The following ABCB5 variants were observed in gnomAD, a reference collection of about 807,000 sequenced individuals.
The protein encoded by ABCB5 is ATP-binding cassette sub-family B member 5.
A neutral mutation model predicts 144.2 loss-of-function variants in ABCB5; 155 were observed. That is an observed-to-expected ratio of 1.08 (90% confidence interval 0.94 to 1.23). The LOEUF (loss-of-function observed/expected upper bound fraction) is 1.23. ABCB5 is among the 50% of genes most tolerant of loss of function. ABCB5 has a pLI of 0.00. For synonymous variants in ABCB5, 610 were observed against 528.6 expected (o/e 1.15, Z -2.11); for missense variants, 1,830 against 1,520.8 (o/e 1.20, Z -3.38).
chr7:20,702,670 T>A (rs1786668907), intron 19 of ABCB5, among the ~76,000 whole-genome samples: 1 of 148,234 alleles, frequency 6.7e-6, no homozygotes, highest in South Asian at 2.2e-4. Context: ...TTTTTTTTTT[T>A]TTTTTTCCTG....
At chr7:20,727,980 A>T (rs1392508629) in intron 22 of ABCB5, among the ~76,000 whole-genome samples, 1 of 152,162 alleles carries the variant, frequency 6.6e-6, no homozygotes, top group Admixed American at 6.5e-5. Flanking sequence ...AGACTTAGAA[A>T]ATCCTTCTAA....
At chr7:20,629,952 A>G (rs1295137763) in intron 4 of ABCB5, among the ~76,000 whole-genome samples, 1 of 152,136 alleles carries the variant, frequency 6.6e-6, no homozygotes, top group South Asian at 2.1e-4. Context: ...GATACCCTGA[A>G]TTGGTGGTGA....
rs751297362 is a variant in ABCB5 at position 20,711,045 on chromosome 7, G to A, written c.2421+6238G>A. ...AGCAATATGGATGTCAACTTACAGC[G>A]TAAGAAACTTAAAATAGTGCAGTAC... is the stretch of plus-strand genomic sequence containing the variant. On this transcript the variant is annotated intron_variant, in intron 20 of 27. Coordinates refer to ENST00000404938, the MANE Select transcript of ABCB5 (RefSeq NM_001163941.2). Among the ~76,000 whole-genome samples the A allele has an allele frequency of 7.3e-5, 11 of 149,772 alleles. 1 individual carries two copies. The highest frequency in any genetic ancestry group is 4.3e-4 in the South Asian group (2 of 4,650).
At chr7:20,678,602 G>A (rs1785686158) in intron 14 of ABCB5, among the ~76,000 whole-genome samples, 1 of 151,586 alleles carries the variant, frequency 6.6e-6, no homozygotes, top group Admixed American at 6.6e-5. Flanking sequence ...TATTGTGCTA[G>A]GCATTTACAA....
intron 16 of ABCB5, among the ~76,000 whole-genome samples, chr7:20,692,633 T>C (rs1291574022): frequency 6.6e-6 from 1 of 151,928 alleles, no homozygotes; most frequent in Non-Finnish European, 1.5e-5. Flanking sequence ...TTTAAAAGCA[T>C]ACTTATTTTT....
At chr7:20,727,004 AT>A (rs1782057735) in intron 21 of ABCB5, 35 bp from the exon 22 acceptor site, 1 of 1,469,178 alleles carries the variant, frequency 6.8e-7, no homozygotes, top group East Asian at 2.3e-5. Context: ...ACCATTACTA[AT>A]TTTATTTCTA....
At chr7:20,631,406 C>T (rs1736426962) in intron 4 of ABCB5, among the ~76,000 whole-genome samples, 2 of 152,010 alleles carry the variant, frequency 1.3e-5, no homozygotes, top group Admixed American at 1.3e-4. Context: ...GTCATGATGT[C>T]TGCAGTTATT....
chr7:20,700,834 C>A (rs1393923340), intron 19 of ABCB5, among the ~76,000 whole-genome samples: 2 of 152,214 alleles, frequency 1.3e-5, no homozygotes, highest in Non-Finnish European at 2.9e-5. Context: ...ACCTCACTTT[C>A]TGTCACAAAA....
chr7:20,735,102 T>A (rs541446569), intron 23 of ABCB5, among the ~76,000 whole-genome samples: 1 of 152,170 alleles, frequency 6.6e-6, no homozygotes, highest in Non-Finnish European at 1.5e-5. Context: ...CTATCCATAT[T>A]ATCAAGAAGC....
intron 14 of ABCB5, among the ~76,000 whole-genome samples, chr7:20,664,085 A>G (rs1785093777): frequency 6.6e-6 from 1 of 152,108 alleles, no homozygotes; most frequent in Admixed American, 6.6e-5. Flanking sequence ...TGAGTACAAA[A>G]GAACAGTGAA....
chr7:20,645,688 G>C lies in ABCB5; in HGVS notation c.679-68G>C, dbSNP rs1583389497. 6 of 1,551,008 alleles carry C rather than the reference G, an allele frequency of 3.9e-6. No homozygotes were observed. In the East Asian group the frequency reaches 1.4e-4, roughly 35 times the overall value. The stretch of plus-strand genomic sequence containing the variant: ...TCTACTTAGAATTCAAATTCTGCCT[G>C]ACTTAAATGTTCAGAACATTATTAC... On this transcript the variant is annotated intron_variant, in intron 7 of 27. Transcript: ENST00000404938.
intron 5 of ABCB5, among the ~76,000 whole-genome samples, chr7:20,633,548 G>A (rs183092701): frequency 2.6e-5 from 4 of 151,946 alleles, no homozygotes; most frequent in African/African-American, 4.8e-5. Context: ...TACATATAAC[G>A]TATAGTGATC....
At chr7:20,659,766 C>T in intron 14 of ABCB5, 1 of 985,380 alleles carries the variant, frequency 1.0e-6, no homozygotes, top group Non-Finnish European at 1.2e-6. Flanking sequence ...TGAGTGCAAC[C>T]TCTGCCCACT....
chr7:20,737,062 G>A (rs972802472), intron 23 of ABCB5, among the ~76,000 whole-genome samples: 1 of 152,040 alleles, frequency 6.6e-6, no homozygotes, highest in African/African-American at 2.4e-5. Context: ...GGAGGTGGAG[G>A]CAGGAGAATT....
intron 14 of ABCB5, among the ~76,000 whole-genome samples, chr7:20,661,793 A>G (rs1233184935): frequency 7.2e-5 from 11 of 152,004 alleles, no homozygotes; most frequent in Admixed American, 7.2e-4. Flanking sequence ...CTAGCCTCCC[A>G]AAGTGCTGGG....
intron 1 of ABCB5, among the ~76,000 whole-genome samples, chr7:20,616,710 C>T (rs1177433880): frequency 6.6e-6 from 1 of 152,164 alleles, no homozygotes; most frequent in Admixed American, 6.5e-5. Context: ...ATATTACTAC[C>T]TGATTATCTC....
At chr7:20,732,230 T>C (rs184168130) in intron 23 of ABCB5, among the ~76,000 whole-genome samples, 1 of 152,260 alleles carries the variant, frequency 6.6e-6, no homozygotes, top group African/African-American at 2.4e-5. Context: ...TTTGCTAAGC[T>C]ACCTTTTTCT....
chr7:20,713,369 T>G (rs1781560577), intron 20 of ABCB5, among the ~76,000 whole-genome samples: 1 of 149,082 alleles, frequency 6.7e-6, no homozygotes, highest in African/African-American at 2.5e-5. Context: ...TCCATGCAGC[T>G]GAAATGAGAG....
chr7:20,682,638 G>A (rs1291852783), intron 15 of ABCB5, among the ~76,000 whole-genome samples: 2 of 152,174 alleles, frequency 1.3e-5, no homozygotes, highest in African/African-American at 2.4e-5. Context: ...GAGAAGCCAG[G>A]CAGAAGGGTT....
Sources: gnomAD v4.1 joint callset for allele counts (sites outside exome capture counted in the v4.1 genomes callset) on GRCh38, gnomAD v4.1.1 for gene constraint, MANE v1.5 for transcripts, NCBI Gene and HGNC (gene_info 2026-07-23, HGNC 2026-07-21) for gene names.